The following RNGTT variants were observed in gnomAD, a reference collection of about 807,000 sequenced individuals.
RNGTT encodes the protein RNA guanylyltransferase and 5'-phosphatase.
Under a neutral mutation model 79.3 loss-of-function variants are expected in RNGTT, and 33 were observed. That is an observed-to-expected ratio of 0.42 (90% CI 0.32 to 0.56). The LOEUF (loss-of-function observed/expected upper bound fraction) is 0.56, where lower values mean the gene tolerates loss of function less well. Ranked by LOEUF, RNGTT falls within the 20% of genes least tolerant of loss-of-function variation. The pLI is 0.17. For synonymous variants in RNGTT, 222 were observed against 235.9 expected, an observed-to-expected ratio of 0.94 and a Z score of 0.54; for missense variants, 497 against 739.1, an observed-to-expected ratio of 0.67 and a Z score of 3.80.
chr6:88,747,092 A>C (rs761618790), intron 13 of RNGTT, among the ~76,000 whole-genome samples: 1 of 152,184 alleles, frequency 6.6e-6, no homozygotes, highest in East Asian at 1.9e-4. Context: ...GTTAAGGGTC[A>C]TTATAGTAGA....
At chr6:88,857,048 G>T (rs1781867067) in intron 8 of RNGTT, among the ~76,000 whole-genome samples, 1 of 151,958 alleles carries the variant, frequency 6.6e-6, no homozygotes, top group Non-Finnish European at 1.5e-5. Flanking sequence ...TAAACCAAAG[G>T]TATATGGATT....
chr6:88,680,930 T>C (rs994272985), intron 13 of RNGTT, among the ~76,000 whole-genome samples: 5 of 152,156 alleles, frequency 3.3e-5, no homozygotes, highest in African/African-American at 4.8e-5. Flanking sequence ...ATTTGTTTAG[T>C]AGATTCAAAT....
chr6:88,790,026 G>A (rs1186913982), intron 12 of RNGTT, among the ~76,000 whole-genome samples: 1 of 152,174 alleles, frequency 6.6e-6, no homozygotes, highest in Non-Finnish European at 1.5e-5. Context: ...CACTAAAGGT[G>A]AGAGTTACAG....
At chr6:88,775,531 AT>A (rs977142168) in intron 12 of RNGTT, among the ~76,000 whole-genome samples, 1 of 152,112 alleles carries the variant, frequency 6.6e-6, no homozygotes, top group Non-Finnish European at 1.5e-5. Flanking sequence ...GAGCTTGCTA[AT>A]TTTTTTATAT....
chr6:88,712,271 T>A (rs1203094928), intron 13 of RNGTT, among the ~76,000 whole-genome samples: 2 of 152,172 alleles, frequency 1.3e-5, no homozygotes, highest in East Asian at 3.8e-4. Flanking sequence ...TAGGAAGAAT[T>A]AATTTGGACT....
intron 8 of RNGTT, among the ~76,000 whole-genome samples, chr6:88,873,778 ATCACAAGG>A (rs1782428582): frequency 6.6e-6 from 1 of 152,168 alleles, no homozygotes; most frequent in Non-Finnish European, 1.5e-5. Flanking sequence ...TAAGACCAGA[ATCACAAGG>A]CAAAAAAGAA....
intron 13 of RNGTT, among the ~76,000 whole-genome samples, chr6:88,702,202 G>GA (rs751779067): frequency 1.3e-5 from 2 of 151,958 alleles, no homozygotes; most frequent in East Asian, 1.9e-4. Context: ...CACAGAATTA[G>GA]AAAAAAACTA....
intron 11 of RNGTT, among the ~76,000 whole-genome samples, chr6:88,804,057 G>A (rs1779879781): frequency 6.6e-6 from 1 of 152,068 alleles, no homozygotes; most frequent in East Asian, 1.9e-4. Context: ...ACCTACAATG[G>A]AGTGTTGTGC....
intron 2 of RNGTT, among the ~76,000 whole-genome samples, chr6:88,934,664 C>T (rs1459392463): frequency 6.6e-6 from 1 of 151,740 alleles, no homozygotes; most frequent in Non-Finnish European, 1.5e-5. Flanking sequence ...TTTTTTGAAA[C>T]AGAGTCTCAC....
intron 14 of RNGTT, among the ~76,000 whole-genome samples, chr6:88,654,460 T>C (rs1403081809): frequency 6.6e-6 from 1 of 152,184 alleles, no homozygotes; most frequent in Non-Finnish European, 1.5e-5. Flanking sequence ...TCAAAAAACA[T>C]GAAATCACTT....
intron 14 of RNGTT, among the ~76,000 whole-genome samples, chr6:88,668,782 CA>C (rs1774516503): frequency 6.6e-6 from 1 of 151,818 alleles, no homozygotes; most frequent in Non-Finnish European, 1.5e-5. Context: ...AAGGAGCTCC[CA>C]AACAAGTCAC....
At chr6:88,658,543 T>C (rs1325667467) in intron 14 of RNGTT, among the ~76,000 whole-genome samples, 1 of 152,204 alleles carries the variant, frequency 6.6e-6, no homozygotes, top group African/African-American at 2.4e-5. Context: ...CCCTTGGGGA[T>C]GATGGTGTGA....
intron 7 of RNGTT, among the ~76,000 whole-genome samples, chr6:88,891,420 C>G (rs557321931): frequency 2.0e-5 from 3 of 152,110 alleles, no homozygotes; most frequent in African/African-American, 4.8e-5. Context: ...ATGGCATTCA[C>G]TGCTTATATT....
At chr6:88,833,172 C>A (rs1007176879) in intron 11 of RNGTT, among the ~76,000 whole-genome samples, 2 of 152,302 alleles carry the variant, frequency 1.3e-5, no homozygotes, top group African/African-American at 4.8e-5. Context: ...TTGGAACCAA[C>A]CCAAATGCCC....
intron 11 of RNGTT, among the ~76,000 whole-genome samples, chr6:88,831,132 C>CA (rs748875660): frequency 1.3e-5 from 2 of 151,906 alleles, no homozygotes; most frequent in African/African-American, 2.4e-5. Context: ...AGAGACACAA[C>CA]AAAAAAAGAG....
At chr6:88,933,748 AT>A (rs140959304) in intron 2 of RNGTT, among the ~76,000 whole-genome samples, 3,353 of 152,198 alleles carry the variant, frequency 0.022, 122 homozygotes, top group African/African-American at 0.077. Flanking sequence ...TGATGATTTC[AT>A]TTTTTCTTCA....
intron 13 of RNGTT, among the ~76,000 whole-genome samples, chr6:88,769,030 C>T (rs1778559064): frequency 6.6e-6 from 1 of 152,254 alleles, no homozygotes; most frequent in Non-Finnish European, 1.5e-5. Flanking sequence ...TTTCGATATG[C>T]TTAATTATAA....
intron 8 of RNGTT, among the ~76,000 whole-genome samples, chr6:88,855,411 G>A (rs535758170): frequency 1.3e-5 from 2 of 151,580 alleles, no homozygotes; most frequent in Non-Finnish European, 2.9e-5. Context: ...AAATGGAAAA[G>A]AGCAGCATGG....
At chr6:88,673,131 C>A (rs1191302673) in intron 14 of RNGTT, among the ~76,000 whole-genome samples, 3 of 149,242 alleles carry the variant, frequency 2.0e-5, no homozygotes, top group Non-Finnish European at 4.5e-5. Context: ...CACCAAGCCA[C>A]CCACACTGAG....
Sources: gnomAD v4.1 joint callset for allele counts (sites outside exome capture counted in the v4.1 genomes callset) on GRCh38, gnomAD v4.1.1 for gene constraint, MANE v1.5 for transcripts, NCBI Gene and HGNC (gene_info 2026-07-23, HGNC 2026-07-21) for gene names.